Variants in IDO2 observed in about 807,000 individuals in gnomAD.
IDO2 encodes the protein indoleamine 2,3-dioxygenase-like 1 protein.
In IDO2, 46 loss-of-function variants were observed where a neutral mutation model predicts 45.1. The observed-to-expected ratio is 1.02, with a 90% CI of 0.80 to 1.30. The LOEUF (loss-of-function observed/expected upper bound fraction) is 1.30, where lower values mean the gene tolerates loss of function less well. Ranked by LOEUF, IDO2 falls within the 50% of genes most tolerant of loss-of-function variation. The probability of loss-of-function intolerance (pLI) is 0.00; values close to 1 mark genes in which losing one functional copy is unlikely to be tolerated. For synonymous variants in IDO2, 218 were observed against 184.9 expected (o/e 1.18, Z -1.45); for missense variants, 544 against 491.8 (o/e 1.11, Z -1.00).
In IDO2 at chr8:39,979,472, G is replaced by A. The variant is rs147856849; in HGVS notation, c.315+286G>A. Among the ~76,000 whole-genome samples the A allele has an allele frequency of 2.5e-3, 386 of 152,150 alleles. 3 individuals are homozygous for A. Among genetic ancestry groups the A allele is most frequent in the African/African-American group, 9.0e-3 (375 of 41,546 alleles). On this transcript the variant is annotated intron_variant, in intron 4 of 10. Coordinates refer to ENST00000502986, the Ensembl canonical transcript of IDO2. ...AGGTTCAAGCAATTCTCCTGCCTCA[G>A]CCTTTCTTGTAGCTGAGACTACAGG...
At chr8:39,963,072 C>T (rs1050810200) in intron 2 of IDO2, among the ~76,000 whole-genome samples, 2 of 152,216 alleles carry the variant, frequency 1.3e-5, no homozygotes, top group Non-Finnish European at 2.9e-5. Context: ...TCTGCCTAGG[C>T]ATCTGTCTGC....
At chr8:39,974,808 C>A (rs1460447038) in intron 3 of IDO2, among the ~76,000 whole-genome samples, 1 of 152,226 alleles carries the variant, frequency 6.6e-6, no homozygotes, top group African/African-American at 2.4e-5. Context: ...GTAGTCCCAT[C>A]TACTTGGGAG....
At chr8:39,966,944 T>C (rs1008545428) in intron 3 of IDO2, among the ~76,000 whole-genome samples, 6 of 152,232 alleles carry the variant, frequency 3.9e-5, no homozygotes, top group African/African-American at 1.4e-4. Flanking sequence ...TTAAATATTT[T>C]ATTTAGTGTA....
chr8:39,944,368 G>T (rs1266862223), intron 1 of IDO2, among the ~76,000 whole-genome samples: 5 of 152,104 alleles, frequency 3.3e-5, no homozygotes, highest in African/African-American at 1.2e-4. Context: ...GTTCTGTAAT[G>T]CCCAACCTTG....
chr8:39,964,573 T>A (rs932646949), intron 3 of IDO2, among the ~76,000 whole-genome samples: 1 of 152,254 alleles, frequency 6.6e-6, no homozygotes, highest in Non-Finnish European at 1.5e-5. Flanking sequence ...TAATATTTAA[T>A]GTCTAGAATT....
chr8:40,000,077 A>T (rs1417074625), intron 8 of IDO2, among the ~76,000 whole-genome samples: 1 of 152,206 alleles, frequency 6.6e-6, no homozygotes, highest in Non-Finnish European at 1.5e-5. Flanking sequence ...TATTTAATTT[A>T]AGGTGATTAT....
intron 3 of IDO2, among the ~76,000 whole-genome samples, chr8:39,978,035 C>T (rs1403812510): frequency 6.6e-6 from 1 of 152,170 alleles, no homozygotes; most frequent in Non-Finnish European, 1.5e-5. Context: ...AGCTCTTATT[C>T]ATTCTATCTA....
intron 8 of IDO2, among the ~76,000 whole-genome samples, chr8:39,996,073 TAA>T (rs59691325): frequency 0.046 from 6,532 of 141,572 alleles, 206 homozygotes; most frequent in Non-Finnish European, 0.069. Context: ...TACCTAAGAG[TAA>T]AAAAAAAAAA....
chr8:40,001,757 A>G lies in IDO2; in HGVS notation c.668-3570A>G, dbSNP rs189958362. Among the ~76,000 whole-genome samples the G allele has an allele frequency of 9.3e-4, 141 of 152,268 alleles. 1 individual carries two copies. The highest frequency in any genetic ancestry group is 7.9e-3 in the East Asian group (41 of 5,178). On this transcript the variant is annotated intron_variant, in intron 8 of 10. Transcript: ENST00000502986. ...TCTGTGGTTTAAGAGGTCTTGAATA[A>G]GAAATTATCCCATCATCATAAGTCA...
At chr8:39,968,652 T>C (rs915069932) in intron 3 of IDO2, among the ~76,000 whole-genome samples, 2 of 150,338 alleles carry the variant, frequency 1.3e-5, no homozygotes, top group African/African-American at 4.9e-5. Flanking sequence ...TAAGTGGGAG[T>C]TGAACAATGA....
intron 1 of IDO2, among the ~76,000 whole-genome samples, chr8:39,937,163 A>T (rs983204895): frequency 6.6e-6 from 1 of 152,194 alleles, no homozygotes; most frequent in Non-Finnish European, 1.5e-5. Context: ...TTTTGTGAAA[A>T]ATGTCGTTTG....
chr8:39,963,396 T>C (rs1398837698), intron 2 of IDO2, among the ~76,000 whole-genome samples: 1 of 152,236 alleles, frequency 6.6e-6, no homozygotes, highest in Admixed American at 6.5e-5. Context: ...ATCTGACTAA[T>C]GTGTTTTTCT....
chr8:40,013,765 G>A, intron 10 of IDO2, 52 bp downstream of exon 10: 3 of 1,105,830 alleles, frequency 2.7e-6, no homozygotes, highest in Non-Finnish European at 3.5e-6. Context: ...AAGAGGAGAG[G>A]TGTTTTTTTT....
chr8:39,986,583 A>T lies in IDO2; in HGVS notation c.449+1061A>T, dbSNP rs543530248. On this transcript the variant is annotated intron_variant, in intron 6 of 10. Coordinates refer to ENST00000502986, the Ensembl canonical transcript of IDO2. ...AGAGTTAAGGTTTTAGGTTTTGTAG[A>T]TGTTTTACTCCATTTAAATGACAGC... 4.1e-4 allele frequency: 63 copies of T among 152,214 alleles called. 1 individual carries two copies. The highest frequency in any genetic ancestry group is 1.5e-3 in the African/African-American group (61 of 41,536). 9.4% of individuals were successfully genotyped at this position (152,214 alleles called of 1,614,324 possible). A position where few individuals can be genotyped will look rare whatever the true frequency, so the allele number is the denominator to read the frequency against.
At chr8:39,956,193 G>A (rs1249800664) in intron 2 of IDO2, among the ~76,000 whole-genome samples, 2 of 151,884 alleles carry the variant, frequency 1.3e-5, no homozygotes, top group African/African-American at 4.8e-5. Flanking sequence ...TGAGTAGCTG[G>A]GATTACAGGC....
chr8:39,939,949 T>C (rs570596461), intron 1 of IDO2, among the ~76,000 whole-genome samples: 1 of 125,618 alleles, frequency 8.0e-6, no homozygotes, highest in East Asian at 2.8e-4. Flanking sequence ...AATTTCTCCT[T>C]GGGCCATTTC....
At chr8:40,013,698 C>T (rs1802342910) in exon 10 of IDO2, 1 of 1,607,168 alleles carries the variant, frequency 6.2e-7, no homozygotes, top group African/African-American at 1.3e-5. Context: ...AGGCATTCGT[C>T]ATAGCAAGGA....
intron 2 of IDO2, among the ~76,000 whole-genome samples, chr8:39,953,589 AG>A (rs1782784596): frequency 6.6e-6 from 1 of 152,092 alleles, no homozygotes; most frequent in African/African-American, 2.4e-5. Flanking sequence ...TTTGAGACAG[AG>A]TCCGCTTTGT....
intron 2 of IDO2, among the ~76,000 whole-genome samples, chr8:39,961,393 G>T (rs1807995003): frequency 7.0e-6 from 1 of 142,444 alleles, no homozygotes. Context: ...TACGATCTTG[G>T]CTCACTGCAA....
Sources: allele counts gnomAD v4.1 joint callset (sites outside exome capture counted in the v4.1 genomes callset), GRCh38; gene constraint gnomAD v4.1.1; transcripts MANE v1.5; gene names NCBI Gene and HGNC (gene_info 2026-07-23, HGNC 2026-07-21).